POLR1C: variants seen among roughly 807,000 people sequenced by gnomAD.
The protein encoded by POLR1C is RNA polymerase I and III subunit C.
Under a neutral mutation model 38.3 loss-of-function variants are expected in POLR1C, and 42 were observed. The ratio of observed to expected loss-of-function variants is 1.10; its 90% CI spans 0.86 to 1.42. The LOEUF (loss-of-function observed/expected upper bound fraction) is 1.42. POLR1C is among the 40% of genes most tolerant of loss of function. The pLI is 0.00. For missense variants in POLR1C, 507 were observed against 450.5 expected (o/e 1.13, Z -1.14); for synonymous variants, 163 against 163.9 (o/e 0.99, Z 0.04).
chr6:43,526,586 T>G, intron 8 of POLR1C: 1 of 1,349,676 alleles, frequency 7.4e-7, no homozygotes, highest in Non-Finnish European at 1.0e-6. Context: ...ATGTAGGGTG[T>G]CTTCTCCTCA....
At position 43,555,694 on chromosome 6, in the gene POLR1C, T is replaced by C. The variant is rs985141869; in HGVS notation, c.*48+4683T>C. 4 of 1,012,826 alleles carry C rather than the reference T, an allele frequency of 3.9e-6. No individual in the cohort carries two copies. The African/African-American group carries it at 6.5e-5, about 16-fold the overall frequency. 62.7% of individuals were successfully genotyped at this position (1,012,826 alleles called of 1,614,324 possible). A position where few individuals can be genotyped will look rare whatever the true frequency, so the allele number is the denominator to read the frequency against. On this transcript the variant is annotated intron_variant, in intron 10 of 10. Coordinates refer to the POLR1C transcript ENST00000607635. Reference sequence around the variant, plus strand: ...TCTTTGTGTCAGCCAATGAAAACGCTCCCTCTCCAGGATGAGCAAAGCTAT... The same window carrying C: ...TCTTTGTGTCAGCCAATGAAAACGCCCCCTCTCCAGGATGAGCAAAGCTAT...
At chr6:43,528,254 A>G in intron 8 of POLR1C, 1 of 1,530,626 alleles carries the variant, frequency 6.5e-7, no homozygotes. Context: ...AAAGGATTGG[A>G]ACACATAATA....
At position 43,519,443 on chromosome 6, in the gene POLR1C, A is replaced by G; in HGVS notation, c.249+3A>G. 6.3e-7 allele frequency: 1 copy of G among 1,598,320 alleles called. No individual in the cohort carries two copies. Among genetic ancestry groups the G allele is most frequent in the Non-Finnish European group, 8.6e-7 (1 of 1,165,584 alleles). On this transcript the variant is annotated splice_donor_region_variant and intron_variant, in intron 3 of 8. Transcript: ENST00000642195. ...TTCGACGAATTCTGCTAGCTGAGGT[A>G]TTGGCAGGCATGGTGACAAGGCTGG... is the stretch of plus-strand genomic sequence containing the variant.
intron 9 of POLR1C, among the ~76,000 whole-genome samples, chr6:43,550,376 C>A (rs1795170658): frequency 6.6e-6 from 1 of 152,206 alleles, no homozygotes; most frequent in Non-Finnish European, 1.5e-5. Flanking sequence ...TGGGCATTCT[C>A]CAACTCAAAT....
At chr6:43,532,085 C>G (rs1050250444), downstream of POLR1C, among the ~76,000 whole-genome samples, 1 of 152,202 alleles carries the variant, frequency 6.6e-6, no homozygotes, top group East Asian at 1.9e-4. Context: ...TCTAGTATTT[C>G]TGGTTGGCCA....
rs982766590 is a variant in POLR1C at position 43,529,162 on chromosome 6, C to T, written c.923-87C>T. 4.1e-6 allele frequency: 6 copies of T among 1,454,744 alleles called. No homozygotes were observed. In the Admixed American group the frequency reaches 5.3e-5, roughly 13 times the overall value. 90.1% of individuals were successfully genotyped at this position (1,454,744 alleles called of 1,614,324 possible). ...TTTCCGTCAGGCTGCACATTATGGT[C>T]ACTGGCCCAAAAAGTAGGAATAAAA... is the stretch of plus-strand genomic sequence containing the variant. On this transcript the variant is annotated intron_variant, in intron 8 of 8. Transcript: ENST00000304004.
Position 43,517,133 on chromosome 6 carries a change from G to A in POLR1C, c.24G>A (p.Glu8=). 1 of 1,614,216 alleles carries A rather than the reference G, an allele frequency of 6.2e-7. No homozygotes were observed. Among genetic ancestry groups the A allele is most frequent in the Non-Finnish European group, 8.5e-7 (1 of 1,180,024 alleles). The change falls in exon 1 of 9, where the codon GAG becomes GAA. Residue 8 remains glutamate, a synonymous_variant. Coordinates refer to ENST00000642195, the MANE Select transcript of POLR1C (RefSeq NM_203290.4). ...AGATGGCGGCTTCTCAGGCGGTGGA[G>A]GAAATGCGGAGCCGCGTGGTTCTGG... MAASQAV[E]EMRSRVVLGE... is the part of the protein sequence containing the mutation.
Position 43,520,175 on chromosome 6 carries a change from G to T in POLR1C, c.492G>T (p.Val164=). The T allele has an allele frequency of 6.2e-7, 1 of 1,614,224 alleles. No individual in the cohort carries two copies. Among genetic ancestry groups the T allele is most frequent in the Middle Eastern group, 1.6e-4 (1 of 6,062 alleles). The change falls in exon 5 of 9, where the codon GTG becomes GTT. Residue 164 remains valine (V), a synonymous_variant. Coordinates refer to ENST00000642195, the MANE Select transcript of POLR1C (RefSeq NM_203290.4). ...CCTCTGACCCCAACGAACTGTACGT[G>T]AACCACAAAGGTGAGTAGTGGTAGG... ...KDSSDPNELY[V]NHKVYTRHMT...
At position 43,520,362 on chromosome 6, in the gene POLR1C, T is replaced by C. The variant is rs1261325588; in HGVS notation, c.590T>C (p.Ile197Thr). 1 of 1,613,812 alleles carries C rather than the reference T, an allele frequency of 6.2e-7. No homozygotes were observed. The highest frequency in any genetic ancestry group is 2.2e-5 in the East Asian group (1 of 44,880). The change falls in exon 6 of 9, where the codon ATC (isoleucine) becomes ACC (threonine). Residue 197 changes from isoleucine (I) to threonine (T), a missense_variant. Transcript: ENST00000642195. ...ACTATCCGACCAGTGCATGATGATA[T>C]CCTCATCGCTCAGCTGCGGCCTGGC... Reference protein sequence around the residue: ...EGTIRPVHDDILIAQLRPGQE... With the variant: ...EGTIRPVHDDTLIAQLRPGQE...
intron 10 of POLR1C, among the ~76,000 whole-genome samples, chr6:43,556,793 T>C (rs1173487798): frequency 6.6e-6 from 1 of 151,982 alleles, no homozygotes; most frequent in African/African-American, 2.4e-5. Context: ...GATGAATAAA[T>C]GAGTAAATGT....
chr6:43,551,723 GTGT>G (rs1385537847), intron 10 of POLR1C, among the ~76,000 whole-genome samples: 2 of 152,028 alleles, frequency 1.3e-5, no homozygotes, highest in East Asian at 1.9e-4. Flanking sequence ...TGTTGTAGAA[GTGT>G]TGTTATGTCG....
At chr6:43,546,491 A>G in intron 9 of POLR1C, 1 of 1,364,070 alleles carries the variant, frequency 7.3e-7, no homozygotes, top group Non-Finnish European at 9.8e-7. Flanking sequence ...TAAGATATGA[A>G]GACATGTAAA....
intron 9 of POLR1C, among the ~76,000 whole-genome samples, chr6:43,540,940 G>C (rs1056029827): frequency 3.3e-5 from 5 of 151,962 alleles, no homozygotes; most frequent in Admixed American, 6.6e-5. Flanking sequence ...AAGAGATCTT[G>C]TCATTTGCAA....
intron 8 of POLR1C, chr6:43,527,791 C>T: frequency 6.3e-7 from 1 of 1,575,384 alleles, no homozygotes; most frequent in Admixed American, 1.7e-5. Flanking sequence ...ACAAGGAAAG[C>T]AGCGACCCTA....
chr6:43,532,362 G>A (rs1186960238), downstream of POLR1C, among the ~76,000 whole-genome samples: 1 of 152,174 alleles, frequency 6.6e-6, no homozygotes, highest in African/African-American at 2.4e-5. Context: ...CCATTGGATT[G>A]CTTGACCACA....
At chr6:43,553,299 C>A in intron 10 of POLR1C, 1 of 1,509,570 alleles carries the variant, frequency 6.6e-7, no homozygotes, top group South Asian at 1.3e-5. Flanking sequence ...GATATAGCGT[C>A]CCAAAATAGA....
At chr6:43,552,121 G>T (rs531877996) in intron 10 of POLR1C, among the ~76,000 whole-genome samples, 1 of 151,876 alleles carries the variant, frequency 6.6e-6, no homozygotes, top group Non-Finnish European at 1.5e-5. Context: ...GCAATGGCAC[G>T]ATCTCAGCTC....
intron 9 of POLR1C, among the ~76,000 whole-genome samples, chr6:43,537,835 G>C: frequency 6.6e-6 from 1 of 152,098 alleles, no homozygotes; most frequent in East Asian, 1.9e-4. Context: ...GGGAGGCTGA[G>C]GCAGGTGGAT....
At chr6:43,556,805 G>A (rs1040862833) in intron 10 of POLR1C, among the ~76,000 whole-genome samples, 2 of 152,054 alleles carry the variant, frequency 1.3e-5, no homozygotes, top group East Asian at 1.9e-4. Context: ...AGTAAATGTG[G>A]TATATCCATA....
Sources: allele counts gnomAD v4.1 joint callset (sites outside exome capture counted in the v4.1 genomes callset), GRCh38; gene constraint gnomAD v4.1.1; transcripts MANE v1.5; gene names NCBI Gene and HGNC (gene_info 2026-07-23, HGNC 2026-07-21).